Variants in MEGF6 observed in about 807,000 individuals in gnomAD.
MEGF6 encodes multiple epidermal growth factor-like domains protein 6.
A neutral mutation model predicts 207.1 loss-of-function variants in MEGF6; 184 were observed. The observed-to-expected ratio is 0.89, with a 90% CI of 0.79 to 1.00. MEGF6 has a LOEUF of 1.00. Among genes scored for constraint, MEGF6 ranks in the 50% least tolerant of loss-of-function variants. The probability of loss-of-function intolerance (pLI) is 0.00; values close to 1 mark genes in which losing one functional copy is unlikely to be tolerated. For synonymous variants in MEGF6, 1,038 were observed against 910.0 expected (o/e 1.14, Z -2.53); for missense variants, 2,282 against 2,202.9 (o/e 1.04, Z -0.72).
chr1:3,616,488 AC>A (rs1557440275), upstream of MEGF6, among the ~76,000 whole-genome samples: 1 of 151,866 alleles, frequency 6.6e-6, no homozygotes, highest in Non-Finnish European at 1.5e-5. Flanking sequence ...CTGTGCCAGC[AC>A]CCCCAGTGTG....
chr1:3,520,437 C>G (rs1570036412), intron 5 of MEGF6, among the ~76,000 whole-genome samples: 1 of 152,300 alleles, frequency 6.6e-6, no homozygotes, highest in Middle Eastern at 3.4e-3. Flanking sequence ...CCACTGCTCC[C>G]TACATCACCG....
chr1:3,595,208 G>T (rs948654336), intron 3 of MEGF6, 130 bp downstream of exon 3: 1 of 628,854 alleles, frequency 1.6e-6, no homozygotes, highest in Non-Finnish European at 2.8e-6. Context: ...GTTGCTGAGC[G>T]AGTGTTCCCT....
At chr1:3,531,712 G>T (rs1642181830) in intron 4 of MEGF6, among the ~76,000 whole-genome samples, 1 of 152,132 alleles carries the variant, frequency 6.6e-6, no homozygotes, top group Non-Finnish European at 1.5e-5. Flanking sequence ...GACACGCACG[G>T]ACATACGCAC....
chr1:3,512,201 G>A, intron 7 of MEGF6, 73 bp from the exon 8 acceptor site: 1 of 1,516,120 alleles, frequency 6.6e-7, no homozygotes, highest in Non-Finnish European at 8.9e-7. Context: ...GTGGAAGACA[G>A]TGCACGGCCT....
chr1:3,494,730 T>C lies in MEGF6; in HGVS notation c.3883A>G (p.Asn1295Asp). ...TGCTCGCAGCCCACGCCAAACCGGT[T>C]CTGGGGGCAGCCTGGAGACAGAAGG... ...GVRCERGCPQ[N>D]RFGVGCEHTC... The change falls in exon 31 of 37, where the codon AAC becomes GAC. Residue 1295 changes from asparagine to aspartate, a missense_variant. Physicochemically the swap from Asn to Asp is conservative, Grantham distance 23. Coordinates refer to ENST00000356575, the MANE Select transcript of MEGF6 (RefSeq NM_001409.4). The C allele has an allele frequency of 1.3e-6, 2 of 1,583,432 alleles. No homozygotes were observed. Among genetic ancestry groups the C allele is most frequent in the Non-Finnish European group, 1.7e-6 (2 of 1,164,714 alleles).
intron 5 of MEGF6, among the ~76,000 whole-genome samples, chr1:3,516,678 C>CA (rs1384842018): frequency 8.5e-5 from 13 of 152,216 alleles, no homozygotes; most frequent in African/African-American, 2.4e-5. Flanking sequence ...CAGAGGTCAA[C>CA]AGAGCAGGCA....
intron 21 of MEGF6, among the ~76,000 whole-genome samples, chr1:3,500,397 C>A (rs1003345212): frequency 6.6e-6 from 1 of 152,262 alleles, no homozygotes; most frequent in Admixed American, 6.5e-5. Flanking sequence ...GCAGTGGGGG[C>A]TGGGAAAGCT....
the MEGF6 span, among the ~76,000 whole-genome samples, chr1:3,616,955 C>T: frequency 6.6e-6 from 1 of 152,206 alleles, no homozygotes; most frequent in African/African-American, 2.4e-5. Flanking sequence ...TCCTGCTCAG[C>T]GTTTGAACCA....
chr1:3,545,569 G>A (rs906073893), intron 4 of MEGF6, among the ~76,000 whole-genome samples: 5 of 149,246 alleles, frequency 3.4e-5, no homozygotes, highest in Non-Finnish European at 2.9e-5. Context: ...TCCTCATCAC[G>A]GGTCTGGGAG....
rs143902470 is a variant in MEGF6 at position 3,575,169 on chromosome 1, C to A, written c.481+4656G>T. Among the ~76,000 whole-genome samples the A allele has an allele frequency of 4.4e-3, 665 of 152,314 alleles. 6 individuals are homozygous for A. The highest frequency in any genetic ancestry group is 0.015 in the African/African-American group (621 of 41,570). ...CCAATTCTGAGCCAAGCCCAGGTCA[C>A]CAGTGGGTGTTGGGGAAGGGGTGGG... On this transcript the variant is annotated intron_variant, in intron 4 of 36. Transcript: ENST00000356575.
At chr1:3,500,119 G>A (rs1048158159) in intron 21 of MEGF6, among the ~76,000 whole-genome samples, 195 bp from the exon 22 acceptor site, 7 of 152,212 alleles carry the variant, frequency 4.6e-5, no homozygotes, top group African/African-American at 1.7e-4. Flanking sequence ...GCTTGAGGGG[G>A]CTCCAGGCAT....
At position 3,545,876 on chromosome 1, in the gene MEGF6, T is replaced by C. The variant is rs535746547; in HGVS notation, c.482-21630A>G. Among the ~76,000 whole-genome samples the C allele has an allele frequency of 7.2e-5, 11 of 152,296 alleles. No homozygotes were observed. In the South Asian group the frequency reaches 1.9e-3, roughly 26 times the overall value. ...GAGAGGAGCACACAGAATCTGTTTC[T>C]AGAACATCCCAGACAGAGCAGATGC... On this transcript the variant is annotated intron_variant, in intron 4 of 36. Transcript: ENST00000356575.
At chr1:3,593,537 C>T (rs923827267) in intron 3 of MEGF6, among the ~76,000 whole-genome samples, 2 of 151,254 alleles carry the variant, frequency 1.3e-5, no homozygotes, top group Non-Finnish European at 3.0e-5. Flanking sequence ...AGCCCGCTCT[C>T]CCCCAGTAAA....
chr1:3,546,837 AG>A (rs1314586347), intron 4 of MEGF6, among the ~76,000 whole-genome samples: 1 of 62,452 alleles, frequency 1.6e-5, no homozygotes, highest in East Asian at 5.1e-4. Flanking sequence ...TGGGCTGGGA[AG>A]GGGGCGCCAG....
chr1:3,510,841 C>G lies in MEGF6; in HGVS notation c.1176G>C (p.Gly392=). The change falls in exon 10 of 37, where the codon GGG becomes GGC. Residue 392 remains glycine, a synonymous_variant. Coordinates refer to ENST00000356575, the MANE Select transcript of MEGF6 (RefSeq NM_001409.4). ...CQQVCTNNPG[G]YECGCYAGYR... is the part of the protein sequence containing the mutation. ...AGCCGGCGTAGCAGCCGCACTCGTA[C>G]CCGCCAGGGTTGTTGGTGCACACCT... The G allele has an allele frequency of 6.2e-7, 1 of 1,611,146 alleles. No homozygotes were observed. The highest frequency in any genetic ancestry group is 8.5e-7 in the Non-Finnish European group (1 of 1,178,554).
At chr1:3,553,767 G>A (rs539880545) in intron 4 of MEGF6, among the ~76,000 whole-genome samples, 25 of 152,302 alleles carry the variant, frequency 1.6e-4, no homozygotes, top group South Asian at 1.0e-3. Context: ...GGCAGGCATC[G>A]GGGGCTTCAC....
chr1:3,621,937 C>T, the MEGF6 span, among the ~76,000 whole-genome samples: 78,477 of 152,124 alleles, frequency 0.52, 20,452 homozygotes, highest in East Asian at 0.65. Flanking sequence ...TGGAATGGGA[C>T]CATTTACCGA....
intron 4 of MEGF6, among the ~76,000 whole-genome samples, chr1:3,572,382 CT>C (rs1643527748): frequency 9.7e-6 from 1 of 103,130 alleles, no homozygotes; most frequent in East Asian, 3.0e-4. Flanking sequence ...GCTGGGTTCT[CT>C]CAGGTGTGCT....
At chr1:3,564,057 G>T (rs1201757364) in intron 4 of MEGF6, among the ~76,000 whole-genome samples, 5 of 152,170 alleles carry the variant, frequency 3.3e-5, no homozygotes, top group Admixed American at 6.5e-5. Context: ...CCAAGTTCAG[G>T]CAAGCTGATT....
Sources: allele counts gnomAD v4.1 joint callset (sites outside exome capture counted in the v4.1 genomes callset), GRCh38; gene constraint gnomAD v4.1.1; transcripts MANE v1.5; gene names NCBI Gene and HGNC (gene_info 2026-07-23, HGNC 2026-07-21).